Variants in ZNF398 observed in about 807,000 individuals in gnomAD.
The protein encoded by ZNF398 is zinc finger protein 398.
Under a neutral mutation model 41.9 loss-of-function variants are expected in ZNF398, and 18 were observed. The observed-to-expected ratio is 0.43, with a 90% CI of 0.30 to 0.64. The LOEUF (loss-of-function observed/expected upper bound fraction) is 0.64. Among genes scored for constraint, ZNF398 ranks in the 30% least tolerant of loss-of-function variants. The pLI, the probability that ZNF398 is intolerant of heterozygous loss-of-function variation, is 0.14. For missense variants in ZNF398, 669 were observed against 822.8 expected (o/e 0.81, Z 2.29); for synonymous variants, 260 against 308.8 (o/e 0.84, Z 1.66).
chr7:149,133,687 ATGTG>A (rs56758859), intron 2 of ZNF398, among the ~76,000 whole-genome samples: 1,699 of 61,454 alleles, frequency 0.028, 56 homozygotes, highest in East Asian at 0.041. Flanking sequence ...ATACATATAT[ATGTG>A]TGTATATATA....
At chr7:149,164,778 A>G (rs1032801721) in intron 2 of ZNF398, among the ~76,000 whole-genome samples, 25 of 152,160 alleles carry the variant, frequency 1.6e-4, no homozygotes, top group Non-Finnish European at 5.9e-5. Flanking sequence ...TCTGCAAGCA[A>G]TGTGAAAAGC....
chr7:149,142,405 C>T (rs541774545), intron 2 of ZNF398, among the ~76,000 whole-genome samples: 116 of 152,258 alleles, frequency 7.6e-4, no homozygotes, highest in African/African-American at 2.5e-3. Flanking sequence ...TGGTGGCTCA[C>T]GCCTGTAATC....
intron 1 of ZNF398, 87 bp from the exon 2 acceptor site, chr7:149,153,858 A>G (rs1421787618): frequency 5.6e-6 from 8 of 1,426,794 alleles, no homozygotes; most frequent in East Asian, 2.3e-5. Flanking sequence ...TCTGCTGGAC[A>G]GTTAAGCAGT....
At chr7:149,131,715 A>T (rs750020469) in intron 2 of ZNF398, among the ~76,000 whole-genome samples, 8 of 152,092 alleles carry the variant, frequency 5.3e-5, no homozygotes, top group Non-Finnish European at 1.0e-4. Context: ...ACAAACAAAA[A>T]ACATATGCAG....
chr7:149,163,199 TTTGTTTG>T (rs1795147021), intron 2 of ZNF398, among the ~76,000 whole-genome samples: 1 of 151,656 alleles, frequency 6.6e-6, no homozygotes, highest in Non-Finnish European at 1.5e-5. Flanking sequence ...ACCTGTTTTG[TTTGTTTG>T]TTTGTTTGTT....
At chr7:149,164,797 G>GA (rs1231253611) in intron 2 of ZNF398, among the ~76,000 whole-genome samples, 1 of 152,072 alleles carries the variant, frequency 6.6e-6, no homozygotes, top group Non-Finnish European at 1.5e-5. Flanking sequence ...GCATCAGTGT[G>GA]AAAAGAAATT....
intron 2 of ZNF398, among the ~76,000 whole-genome samples, chr7:149,158,307 C>T (rs758057485): frequency 6.6e-6 from 1 of 152,046 alleles, no homozygotes; most frequent in Non-Finnish European, 1.5e-5. Flanking sequence ...ACAATAATTG[C>T]TTGTGTGGAC....
intron 1 of ZNF398, among the ~76,000 whole-genome samples, chr7:149,151,825 C>T (rs1343189770): frequency 1.4e-4 from 20 of 143,398 alleles, no homozygotes; most frequent in African/African-American, 5.2e-4. Flanking sequence ...CTCGTTCTGT[C>T]GCGTAGGCTG....
chr7:149,155,705 ATATT>A (rs1261041290), intron 2 of ZNF398, among the ~76,000 whole-genome samples: 1 of 66,706 alleles, frequency 1.5e-5, no homozygotes, highest in African/African-American at 8.1e-5. Context: ...ATATATATAT[ATATT>A]TTTTTTTTTT....
chr7:149,139,693 TG>T (rs1563154397), intron 2 of ZNF398, among the ~76,000 whole-genome samples: 7 of 147,144 alleles, frequency 4.8e-5, no homozygotes, highest in African/African-American at 1.8e-4. Context: ...CACTCCAGCC[TG>T]GCAACAGATA....
At chr7:149,134,565 T>TG (rs1826672350) in intron 2 of ZNF398, among the ~76,000 whole-genome samples, 1 of 152,210 alleles carries the variant, frequency 6.6e-6, no homozygotes, top group Non-Finnish European at 1.5e-5. Context: ...ATATTCTTAA[T>TG]GATCTCTCTG....
intron 1 of ZNF398, 95 bp from the exon 2 acceptor site, chr7:149,153,850 T>A: frequency 7.2e-7 from 1 of 1,396,420 alleles, no homozygotes; most frequent in Non-Finnish European, 9.7e-7. Context: ...AATTAATCTC[T>A]GCTGGACAGT....
chr7:149,133,678 T>TATATATATATATATATATATATATACAC (rs1483673161), intron 2 of ZNF398, among the ~76,000 whole-genome samples: 8 of 67,012 alleles, frequency 1.2e-4, no homozygotes, highest in African/African-American at 4.9e-4. Context: ...TATATATATA[T>TATATATATATATATATATATATATACAC]ACATATATAT....
At chr7:149,168,356 G>A (rs1563164207) in intron 4 of ZNF398, among the ~76,000 whole-genome samples, 1 of 152,158 alleles carries the variant, frequency 6.6e-6, no homozygotes, top group East Asian at 1.9e-4. Flanking sequence ...GGGATTACAG[G>A]CATGAGCCAC....
At chr7:149,144,603 T>C (rs183700844), upstream of ZNF398, among the ~76,000 whole-genome samples, 6 of 150,556 alleles carry the variant, frequency 4.0e-5, no homozygotes, top group African/African-American at 1.5e-4. Flanking sequence ...TTTTTTCTTT[T>C]TTGAGATGGA....
At chr7:149,142,639 C>T (rs1826851773), upstream of ZNF398, among the ~76,000 whole-genome samples, 2 of 152,200 alleles carry the variant, frequency 1.3e-5, no homozygotes. Flanking sequence ...TGCACTCCAG[C>T]CTGGGCAACA....
chr7:149,127,113 A>G (rs1018170703), intron 1 of ZNF398, among the ~76,000 whole-genome samples: 1 of 152,172 alleles, frequency 6.6e-6, no homozygotes, highest in Non-Finnish European at 1.5e-5. Context: ...ACGAAGACGC[A>G]AAAACGGGAG....
chr7:149,152,408 C>T, intron 1 of ZNF398, among the ~76,000 whole-genome samples: 1 of 151,136 alleles, frequency 6.6e-6, no homozygotes, highest in East Asian at 2.0e-4. Flanking sequence ...CTACAGGCGC[C>T]CGCCACCACG....
chr7:149,147,171 G>C (rs1239771306), upstream of ZNF398: 1 of 152,284 alleles, frequency 6.6e-6, no homozygotes, highest in Non-Finnish European at 1.5e-5. This position sits in a 1 kb window ranked among gnomAD's most constrained non-coding sequence, Gnocchi z 5.6. Context: ...GACGGCGCCT[G>C]CGTATCGAGC....
Sources: gnomAD v4.1 joint callset for allele counts (sites outside exome capture counted in the v4.1 genomes callset) on GRCh38, gnomAD v4.1.1 for gene constraint, Gnocchi (gnomAD v3.1) non-coding constraint, MANE v1.5 for transcripts, NCBI Gene and HGNC (gene_info 2026-07-23, HGNC 2026-07-21) for gene names.